The following VEZF1 variants were observed in gnomAD, a reference collection of about 807,000 sequenced individuals.
VEZF1 encodes the protein vascular endothelial zinc finger 1.
Under a neutral mutation model 44.1 loss-of-function variants are expected in VEZF1, and 5 were observed. The ratio of observed to expected loss-of-function variants is 0.11; its 90% CI spans 0.06 to 0.24. VEZF1 has a LOEUF of 0.24. VEZF1 is among the 10% of genes least tolerant of loss of function. The pLI is 1.00. For missense variants in VEZF1, 358 were observed against 641.8 expected (o/e 0.56, Z 4.78); for synonymous variants, 236 against 233.1 (o/e 1.01, Z -0.11).
intron 3 of VEZF1, among the ~76,000 whole-genome samples, chr17:57,981,002 T>C (rs2075245121): frequency 6.6e-6 from 1 of 152,160 alleles, no homozygotes; most frequent in South Asian, 2.1e-4. Flanking sequence ...CAACACAGAG[T>C]AGCACAAAAA....
chr17:57,981,997 G>GTGA (rs1379351066), intron 2 of VEZF1, 61 bp from the exon 3 acceptor site: 2 of 1,563,304 alleles, frequency 1.3e-6, no homozygotes, highest in Non-Finnish European at 1.8e-6. Context: ...TGCTACTTAT[G>GTGA]TGATGCTCAC....
In VEZF1 at chr17:57,973,438, G is replaced by C. The variant is rs1021699763; in HGVS notation, c.*1035C>G. 6.6e-6 allele frequency: 1 copy of C among 152,586 alleles called. No homozygotes were observed. Among genetic ancestry groups the C allele is most frequent in the Admixed American group, 6.5e-5 (1 of 15,272 alleles). 9.5% of individuals were successfully genotyped at this position (152,586 alleles called of 1,614,324 possible). ...AAGGGGCATACACTACCTAGTTAGT[G>C]GTTAGAATAAAAACTGTATACAATT... is the stretch of plus-strand genomic sequence containing the variant. On this transcript the variant is annotated 3_prime_UTR_variant, in exon 6 of 6. Coordinates refer to ENST00000581208, the MANE Select transcript of VEZF1 (RefSeq NM_007146.3).
At chr17:57,975,446 T>C (rs2143319338) in intron 5 of VEZF1, among the ~76,000 whole-genome samples, 1 of 152,370 alleles carries the variant, frequency 6.6e-6, no homozygotes, top group South Asian at 2.1e-4. Context: ...GCCTGAGACA[T>C]GAAGCCACAT....
intron 5 of VEZF1, among the ~76,000 whole-genome samples, 157 bp downstream of exon 5, chr17:57,978,995 T>A (rs2039162084): frequency 6.6e-6 from 1 of 152,222 alleles, no homozygotes; most frequent in Non-Finnish European, 1.5e-5. Flanking sequence ...TTATTGCCAA[T>A]AACTATACTT....
At position 57,974,720 on chromosome 17, in the gene VEZF1, A is replaced by G. The variant is rs773766206; in HGVS notation, c.1319T>C (p.Met440Thr). 5 of 1,614,022 alleles carry G rather than the reference A, an allele frequency of 3.1e-6. No homozygotes were observed. In the African/African-American group the frequency reaches 6.7e-5, roughly 22 times the overall value. Residue 440 changes from methionine to threonine, a missense_variant, in exon 6 of 6, where the codon ATG becomes ACG. Met to Thr is a moderately conservative substitution (Grantham distance 81). Around this residue, in one of 4 missense-constraint regions of VEZF1, gnomAD observed 171 missense variants for 272.4 expected, o/e 0.63. Transcript: ENST00000581208. The part of the protein sequence containing the change: ...VSSAVNITSP[M>T]NIGHPVTITS... Reference sequence around the variant, plus strand: ...TATAGTTACAGGATGCCCTATGTTCATTGGGCTGGTTATGTTAACTGCACT... The same window carrying G: ...TATAGTTACAGGATGCCCTATGTTCGTTGGGCTGGTTATGTTAACTGCACT...
chr17:57,981,971 C>A, intron 2 of VEZF1, 35 bp from the exon 3 acceptor site: 1 of 1,604,874 alleles, frequency 6.2e-7, no homozygotes, highest in South Asian at 1.1e-5. Flanking sequence ...AAGATATAAT[C>A]GAACACATAG....
chr17:57,983,488 C>T (rs1483517486), intron 1 of VEZF1, 95 bp from the exon 2 acceptor site: 1 of 1,114,582 alleles, frequency 9.0e-7, no homozygotes, highest in African/African-American at 1.6e-5. Context: ...AAGAAACAGT[C>T]AAAGAACCTA....
At chr17:57,987,264 G>C (rs1470393920) in intron 1 of VEZF1, among the ~76,000 whole-genome samples, 2 of 152,150 alleles carry the variant, frequency 1.3e-5, no homozygotes, top group African/African-American at 4.8e-5. Context: ...CAGGAGTCCC[G>C]GCCCCCACCG....
chr17:57,979,111 C>T (rs757638921), intron 5 of VEZF1, 41 bp downstream of exon 5: 46 of 1,595,720 alleles, frequency 2.9e-5, no homozygotes, highest in Non-Finnish European at 3.8e-5. Flanking sequence ...AATGAAAACA[C>T]TTCTCTAGCC....
In VEZF1 at chr17:57,983,012, C is replaced by T; in HGVS notation, c.415G>A (p.Val139Ile). 6 of 1,614,180 alleles carry T rather than the reference C, an allele frequency of 3.7e-6. No individual in the cohort carries two copies. Among genetic ancestry groups the T allele is most frequent in the Non-Finnish European group, 5.1e-6 (6 of 1,180,032 alleles). The change falls in exon 2 of 6, where the codon GTC becomes ATC. Residue 139 changes from valine (V) to isoleucine (I), a missense_variant. By Grantham distance (29) the Val-to-Ile change is conservative (BLOSUM62 3). Around this residue, in one of 4 missense-constraint regions of VEZF1, gnomAD observed 117 missense variants for 207.2 expected, o/e 0.56. Transcript: ENST00000581208. ...VSTIAGILSTVTTSSSGTNPS... is the reference protein window; with the variant it reads ...VSTIAGILSTITTSSSGTNPS... ...TTGGTGCCCGAGGAAGATGTAGTGA[C>T]TGTTGACAAGATGCCTGCAATGGTC...
chr17:57,979,855 A>C (rs2143342710), intron 4 of VEZF1, among the ~76,000 whole-genome samples: 1 of 151,338 alleles, frequency 6.6e-6, no homozygotes, highest in East Asian at 2.0e-4. Flanking sequence ...CTGTAATCCC[A>C]GTTACTTGGG....
At chr17:57,985,193 T>C in intron 1 of VEZF1, 2 of 1,090,992 alleles carry the variant, frequency 1.8e-6, no homozygotes, top group Non-Finnish European at 2.3e-6. Flanking sequence ...ACTTATAGCA[T>C]TTAGAGGCAT....
intron 1 of VEZF1, among the ~76,000 whole-genome samples, chr17:57,984,501 G>A (rs2075278128): frequency 1.3e-5 from 2 of 152,144 alleles, no homozygotes; most frequent in South Asian, 4.1e-4. Context: ...AAGCCCCTAT[G>A]CTTGAGTTTT....
chr17:57,983,188 C>T lies in VEZF1; in HGVS notation c.239G>A (p.Ser80Asn). 6.2e-7 allele frequency: 1 copy of T among 1,614,084 alleles called. No homozygotes were observed. Among genetic ancestry groups the T allele is most frequent in the South Asian group, 1.1e-5 (1 of 91,082 alleles). ...PKTSFVCTYC[S>N]KAFRDSYHLR... ...GTGATAGCTGTCCCTGAAAGCTTTA[C>T]TGCAGTAAGTGCACACAAATGAAGT... The change falls in exon 2 of 6, where the codon AGT becomes AAT. Residue 80 changes from serine to asparagine, a missense_variant. Ser to Asn is a conservative substitution (Grantham distance 46, BLOSUM62 1). Transcript: ENST00000581208.
chr17:57,980,231 G>A (rs1165348048), intron 4 of VEZF1, among the ~76,000 whole-genome samples: 1 of 152,106 alleles, frequency 6.6e-6, no homozygotes, highest in East Asian at 1.9e-4. Flanking sequence ...AGTGGTTAGG[G>A]CAATCTTAAA....
chr17:57,978,471 AC>A (rs2075213615), intron 5 of VEZF1, among the ~76,000 whole-genome samples: 1 of 152,246 alleles, frequency 6.6e-6, no homozygotes, highest in Non-Finnish European at 1.5e-5. Context: ...CCAAAGCTGT[AC>A]TAGTAAGTTG....
chr17:57,983,296 A>T lies in VEZF1; in HGVS notation c.131T>A (p.Leu44His). ...AGGTTTCTGAGTTATTGGTATTGGA[A>T]GCAATGGTTTCTGATCAGGGGGCTC... ...AVEPPDQKPLLPIPITQKPQG... is the reference protein window; with the variant it reads ...AVEPPDQKPLHPIPITQKPQG... The change falls in exon 2 of 6, where the codon CTT becomes CAT. Residue 44 changes from leucine (L) to histidine (H), a missense_variant. Leu to His is a moderately conservative substitution (Grantham distance 99). Transcript: ENST00000581208. 2 of 1,614,132 alleles carry T rather than the reference A, an allele frequency of 1.2e-6. No individual in the cohort carries two copies. Among genetic ancestry groups the T allele is most frequent in the South Asian group, 2.2e-5 (2 of 91,084 alleles).
chr17:57,983,990 G>A (rs140384738), intron 1 of VEZF1, among the ~76,000 whole-genome samples: 2,212 of 152,284 alleles, frequency 0.015, 31 homozygotes, highest in Non-Finnish European at 0.021. Flanking sequence ...AGGTTTGGTT[G>A]AAACAAAATC....
chr17:57,985,316 T>G (rs997524979), intron 1 of VEZF1: 1 of 1,231,444 alleles, frequency 8.1e-7, no homozygotes, highest in African/African-American at 1.6e-5. Context: ...TTGCTGAAGC[T>G]CACTCTCACA....
Sources: gnomAD v4.1 joint callset for allele counts (sites outside exome capture counted in the v4.1 genomes callset) on GRCh38, gnomAD v4.1.1 for gene constraint, gnomAD v4.1.1 regional missense constraint, MANE v1.5 for transcripts, NCBI Gene and HGNC (gene_info 2026-07-23, HGNC 2026-07-21) for gene names.